RAB3C: variants seen among roughly 807,000 people sequenced by gnomAD.
The protein encoded by RAB3C is ras-related protein Rab-3C.
RAB3C carries 17 observed loss-of-function variants against 26.4 expected under a neutral mutation model. The ratio of observed to expected loss-of-function variants is 0.64; its 90% CI spans 0.44 to 0.97. The LOEUF (loss-of-function observed/expected upper bound fraction) is 0.97. RAB3C is among the 50% of genes least tolerant of loss of function. The probability of loss-of-function intolerance (pLI) is 0.00; values close to 1 mark genes in which losing one functional copy is unlikely to be tolerated. For synonymous variants in RAB3C, 91 were observed against 95.9 expected, an observed-to-expected ratio of 0.95 and a Z score of 0.30; for missense variants, 242 against 281.9, an observed-to-expected ratio of 0.86 and a Z score of 1.01.
intron 2 of RAB3C, among the ~76,000 whole-genome samples, chr5:58,722,500 T>C (rs945797059): frequency 2.0e-5 from 3 of 151,810 alleles, no homozygotes; most frequent in African/African-American, 7.3e-5. Context: ...ATTACATTTA[T>C]AGATAATATG....
chr5:58,760,059 C>A (rs1219343506), intron 3 of RAB3C, among the ~76,000 whole-genome samples: 1 of 152,148 alleles, frequency 6.6e-6, no homozygotes, highest in Non-Finnish European at 1.5e-5. Context: ...GAAACCTTAC[C>A]CAATCCTAAC....
At chr5:58,746,824 GAT>G (rs1380753995) in intron 3 of RAB3C, among the ~76,000 whole-genome samples, 5 of 152,126 alleles carry the variant, frequency 3.3e-5, no homozygotes, top group African/African-American at 1.2e-4. Flanking sequence ...CAAATGTAAA[GAT>G]ATTTATTATT....
intron 3 of RAB3C, among the ~76,000 whole-genome samples, chr5:58,786,804 G>A (rs1320445056): frequency 6.6e-6 from 1 of 151,930 alleles, no homozygotes; most frequent in Non-Finnish European, 1.5e-5. Flanking sequence ...TGTGAGAAGT[G>A]AGCACAATTA....
chr5:58,818,681 G>C (rs1372536711), intron 3 of RAB3C, among the ~76,000 whole-genome samples: 1 of 152,152 alleles, frequency 6.6e-6, no homozygotes, highest in Non-Finnish European at 1.5e-5. Flanking sequence ...AGGATCTTTT[G>C]CAGTGATTCA....
intron 2 of RAB3C, among the ~76,000 whole-genome samples, chr5:58,655,473 G>A (rs1449307970): frequency 6.6e-6 from 1 of 152,206 alleles, no homozygotes; most frequent in African/African-American, 2.4e-5. Context: ...ATTGTTGGGA[G>A]GCAAAGGCTC....
At position 58,855,795 on chromosome 5, in the gene RAB3C, C is replaced by T. The variant is rs1744245021; in HGVS notation, c.*4444C>T. 1 of 152,116 alleles carries T rather than the reference C, an allele frequency of 6.6e-6. No individual in the cohort carries two copies. Among genetic ancestry groups the T allele is most frequent in the African/African-American group, 2.4e-5 (1 of 41,404 alleles). 9.4% of individuals were successfully genotyped at this position (152,116 alleles called of 1,614,324 possible). A position where few individuals can be genotyped will look rare whatever the true frequency, so the allele number is the denominator to read the frequency against. ...TATGACCAGAATAAAAAAGCCTTTA[C>T]CCCTGCACAGCACTGTATCTAAAGG... On this transcript the variant is annotated 3_prime_UTR_variant, in exon 5 of 5. Coordinates refer to ENST00000282878, the MANE Select transcript of RAB3C (RefSeq NM_138453.4).
rs371193955 is a variant in RAB3C, at chr5:58,791,825, A to G, written c.372-33213A>G. Among the ~76,000 whole-genome samples the G allele has an allele frequency of 1.1e-4, 16 of 152,344 alleles. No homozygotes were observed. The South Asian group carries it at 2.9e-3, about 28-fold the overall frequency. Reference sequence around the variant, plus strand: ...CTCACATGAGCATTCCAGTATTTTCATGAAACTCTAAAAAGTGAGAATTTA... The same window carrying G: ...CTCACATGAGCATTCCAGTATTTTCGTGAAACTCTAAAAAGTGAGAATTTA... On this transcript the variant is annotated intron_variant, in intron 3 of 4. Transcript: ENST00000282878.
chr5:58,733,285 T>C (rs2111932960), intron 3 of RAB3C, among the ~76,000 whole-genome samples: 1 of 152,276 alleles, frequency 6.6e-6, no homozygotes, highest in South Asian at 2.1e-4. Flanking sequence ...TAAAATTACA[T>C]AGAAAACGCA....
At chr5:58,769,534 A>C (rs113178429) in intron 3 of RAB3C, among the ~76,000 whole-genome samples, 1,588 of 152,244 alleles carry the variant, frequency 0.01, 30 homozygotes, top group African/African-American at 0.037. Flanking sequence ...CCTGACAACC[A>C]TATCTTTAAC....
intron 3 of RAB3C, among the ~76,000 whole-genome samples, chr5:58,797,869 C>T (rs1742709623): frequency 6.6e-6 from 1 of 152,138 alleles, no homozygotes; most frequent in Non-Finnish European, 1.5e-5. Flanking sequence ...ACTACAACAA[C>T]ATTAAATTGA....
At chr5:58,770,629 G>A (rs751767412) in intron 3 of RAB3C, among the ~76,000 whole-genome samples, 2 of 151,914 alleles carry the variant, frequency 1.3e-5, no homozygotes, top group African/African-American at 2.4e-5. Context: ...TTAATAAATG[G>A]CATCTTGTTA....
intron 1 of RAB3C, among the ~76,000 whole-genome samples, chr5:58,588,862 A>T (rs1746066968): frequency 6.6e-6 from 1 of 152,082 alleles, no homozygotes; most frequent in Non-Finnish European, 1.5e-5. Context: ...ACAAATAGAG[A>T]TAGTTTATTT....
chr5:58,717,427 C>A (rs980005206), intron 2 of RAB3C, among the ~76,000 whole-genome samples: 1 of 152,074 alleles, frequency 6.6e-6, no homozygotes, highest in Admixed American at 6.6e-5. Flanking sequence ...TTCAGTGAAG[C>A]CTGTCCTGCC....
At chr5:58,677,889 C>T (rs991423631) in intron 2 of RAB3C, among the ~76,000 whole-genome samples, 1 of 152,032 alleles carries the variant, frequency 6.6e-6, no homozygotes, top group Non-Finnish European at 1.5e-5. Context: ...TTTGTACCAG[C>T]ACAGAGGACA....
chr5:58,596,166 C>T (rs887794098), intron 1 of RAB3C, among the ~76,000 whole-genome samples: 1 of 151,862 alleles, frequency 6.6e-6, no homozygotes, highest in African/African-American at 2.4e-5. Context: ...AATCCTCATT[C>T]CCAGGCAAAC....
chr5:58,654,000 C>T (rs1027412051), intron 2 of RAB3C, among the ~76,000 whole-genome samples: 7 of 152,110 alleles, frequency 4.6e-5, no homozygotes, highest in African/African-American at 1.7e-4. Flanking sequence ...GAACTGAATC[C>T]CAAAACTATA....
At chr5:58,624,279 A>G (rs1365510758) in intron 2 of RAB3C, among the ~76,000 whole-genome samples, 1 of 152,052 alleles carries the variant, frequency 6.6e-6, no homozygotes, top group Admixed American at 6.6e-5. Context: ...GAGGATGCCC[A>G]ACACCATCCT....
At chr5:58,818,428 G>T (rs1743264935) in intron 3 of RAB3C, among the ~76,000 whole-genome samples, 1 of 152,130 alleles carries the variant, frequency 6.6e-6, no homozygotes, top group Non-Finnish European at 1.5e-5. Context: ...ACCAAAATAG[G>T]GATAAATTAT....
chr5:58,672,924 T>G (rs1424048589), intron 2 of RAB3C, among the ~76,000 whole-genome samples: 1 of 152,214 alleles, frequency 6.6e-6, no homozygotes, highest in Non-Finnish European at 1.5e-5. Context: ...TTGTCATTTG[T>G]TAAAGTCTAC....
Sources: gnomAD v4.1 joint callset for allele counts (sites outside exome capture counted in the v4.1 genomes callset) on GRCh38, gnomAD v4.1.1 for gene constraint, MANE v1.5 for transcripts, NCBI Gene and HGNC (gene_info 2026-07-23, HGNC 2026-07-21) for gene names.